The following NEK11 variants were observed in gnomAD, a reference collection of about 807,000 sequenced individuals.
NEK11 encodes the protein NIMA related kinase 11.
NEK11 carries 72 observed loss-of-function variants against 80.7 expected under a neutral mutation model. The ratio of observed to expected loss-of-function variants is 0.89; its 90% CI spans 0.74 to 1.08. NEK11 has a LOEUF of 1.08. Among genes scored for constraint, NEK11 ranks in the 50% least tolerant of loss-of-function variants. The pLI is 0.00. For synonymous variants in NEK11, 251 were observed against 260.7 expected, an observed-to-expected ratio of 0.96 and a Z score of 0.36; for missense variants, 764 against 763.6, an observed-to-expected ratio of 1.00 and a Z score of -0.01.
At chr3:131,208,180 A>T (rs1261084095) in intron 14 of NEK11, among the ~76,000 whole-genome samples, 1 of 152,226 alleles carries the variant, frequency 6.6e-6, no homozygotes, top group African/African-American at 2.4e-5. Flanking sequence ...AGCTTTCTAC[A>T]TATGGCTAGC....
intron 3 of NEK11, among the ~76,000 whole-genome samples, chr3:131,058,525 C>T (rs1376504449): frequency 6.6e-6 from 1 of 152,092 alleles, no homozygotes; most frequent in African/African-American, 2.4e-5. Context: ...GGAATCTCCC[C>T]TTTAGGCTGA....
intron 3 of NEK11, among the ~76,000 whole-genome samples, chr3:131,074,205 A>G (rs1316889304): frequency 6.6e-6 from 1 of 152,160 alleles, no homozygotes; most frequent in Admixed American, 6.6e-5. Flanking sequence ...AGGGGACCCA[A>G]ATGAAGAGAG....
intron 5 of NEK11, among the ~76,000 whole-genome samples, chr3:131,128,705 T>G (rs1281078239): frequency 6.6e-6 from 1 of 152,186 alleles, no homozygotes; most frequent in East Asian, 1.9e-4. Context: ...TGATAAGCAT[T>G]TGTATCATTT....
chr3:131,296,427 A>C (rs1581552647), intron 17 of NEK11, among the ~76,000 whole-genome samples: 1 of 152,280 alleles, frequency 6.6e-6, no homozygotes, highest in East Asian at 1.9e-4. Flanking sequence ...ATCTTTCTTT[A>C]TGTAGACCTG....
At chr3:131,123,330 C>A (rs1320777493) in intron 5 of NEK11, among the ~76,000 whole-genome samples, 1 of 152,128 alleles carries the variant, frequency 6.6e-6, no homozygotes, top group Non-Finnish European at 1.5e-5. Context: ...CCATGCCCGT[C>A]TAATTTTTGT....
intron 16 of NEK11, among the ~76,000 whole-genome samples, chr3:131,269,401 G>A (rs562284887): frequency 1.3e-5 from 2 of 152,310 alleles, no homozygotes; most frequent in African/African-American, 4.8e-5. Flanking sequence ...GGTGGCATAG[G>A]CACCCGAGGG....
At chr3:131,147,527 T>A (rs971470064) in intron 7 of NEK11, among the ~76,000 whole-genome samples, 2 of 152,082 alleles carry the variant, frequency 1.3e-5, no homozygotes, top group Non-Finnish European at 2.9e-5. Context: ...CATACAAAAC[T>A]TCCAAATTAG....
chr3:131,210,347 A>T (rs1424194241), intron 14 of NEK11, among the ~76,000 whole-genome samples: 1 of 152,204 alleles, frequency 6.6e-6, no homozygotes. Flanking sequence ...ACAGTTTGTT[A>T]TAATTTCTGT....
intron 17 of NEK11, among the ~76,000 whole-genome samples, chr3:131,288,773 T>G (rs11914790): frequency 6.6e-6 from 1 of 152,166 alleles, no homozygotes; most frequent in Admixed American, 6.5e-5. Flanking sequence ...CATTTCTGTG[T>G]TAATCTTACT....
intron 16 of NEK11, among the ~76,000 whole-genome samples, chr3:131,245,305 G>A (rs1254821420): frequency 6.8e-6 from 1 of 147,788 alleles, no homozygotes; most frequent in Non-Finnish European, 1.5e-5. Flanking sequence ...ATTCCATTGT[G>A]TGTGTGTGTG....
At chr3:131,190,345 AGGTTG>A in intron 14 of NEK11, among the ~76,000 whole-genome samples, 1 of 152,246 alleles carries the variant, frequency 6.6e-6, no homozygotes, top group Middle Eastern at 3.4e-3. Flanking sequence ...AATATGTTGG[AGGTTG>A]GGCTGGTGGG....
At chr3:131,150,026 T>G (rs1479200261) in intron 7 of NEK11, among the ~76,000 whole-genome samples, 2 of 152,080 alleles carry the variant, frequency 1.3e-5, no homozygotes, top group African/African-American at 4.8e-5. Context: ...GGTATCTTTA[T>G]TAGCATTCCA....
Position 131,272,087 on chromosome 3 carries a change from C to T in NEK11, c.1622-1391C>T, listed in dbSNP as rs1054170169. Among the ~76,000 whole-genome samples the T allele has an allele frequency of 1.8e-4, 28 of 151,992 alleles. 1 individual carries two copies. Among genetic ancestry groups the T allele is most frequent in the Non-Finnish European group, 3.1e-4 (21 of 67,996 alleles). ...TGCATTCCAGCCTGGGCAACAAGAGCGAAACTCCGTCTCAAAAAAAAGAAG... is the reference window on the plus strand; with the variant it reads ...TGCATTCCAGCCTGGGCAACAAGAGTGAAACTCCGTCTCAAAAAAAAGAAG... On this transcript the variant is annotated intron_variant, in intron 16 of 17. Transcript: ENST00000383366.
chr3:131,298,312 C>T (rs1181267595), intron 17 of NEK11, among the ~76,000 whole-genome samples: 1 of 151,712 alleles, frequency 6.6e-6, no homozygotes, highest in Non-Finnish European at 1.5e-5. Flanking sequence ...GAATGTTCTT[C>T]CATTTCTTTG....
intron 14 of NEK11, among the ~76,000 whole-genome samples, chr3:131,173,606 T>TG (rs2092824433): frequency 1.3e-5 from 2 of 151,360 alleles, no homozygotes; most frequent in African/African-American, 4.9e-5. Flanking sequence ...TTTTCGGTGG[T>TG]GGTAGGTAGA....
intron 17 of NEK11, among the ~76,000 whole-genome samples, chr3:131,331,390 G>A (rs967073568): frequency 9.2e-5 from 14 of 152,188 alleles, no homozygotes; most frequent in African/African-American, 3.4e-4. Flanking sequence ...AATATTAGAT[G>A]ATAATGACCT....
In NEK11 at chr3:131,049,004, G is replaced by A. The variant is rs368658920; in HGVS notation, c.170+19126G>A. Among the ~76,000 whole-genome samples, 26 of 152,262 alleles carry A rather than the reference G, an allele frequency of 1.7e-4. No homozygotes were observed. The South Asian group carries it at 5.2e-3, about 30-fold the overall frequency. ...CTGCCTGCTGACTTGCTCCGCCTAC[G>A]GAAGACTTGGTGTCCATTTTGACTT... On this transcript the variant is annotated intron_variant, in intron 3 of 17. Coordinates refer to ENST00000383366, the MANE Select transcript of NEK11 (RefSeq NM_024800.5).
At chr3:131,118,990 A>C (rs1214256171) in intron 5 of NEK11, among the ~76,000 whole-genome samples, 1 of 151,898 alleles carries the variant, frequency 6.6e-6, no homozygotes, top group Non-Finnish European at 1.5e-5. Context: ...CTCTGATCTT[A>C]GTTATTTCCT....
chr3:131,244,797 G>A (rs552487890), intron 16 of NEK11, among the ~76,000 whole-genome samples: 1 of 151,982 alleles, frequency 6.6e-6, no homozygotes, highest in Non-Finnish European at 1.5e-5. Context: ...GATAGCCTGT[G>A]CCTGGAGTCC....
Sources: allele counts gnomAD v4.1 joint callset (sites outside exome capture counted in the v4.1 genomes callset), GRCh38; gene constraint gnomAD v4.1.1; transcripts MANE v1.5; gene names NCBI Gene and HGNC (gene_info 2026-07-23, HGNC 2026-07-21).